Variants in AK5 observed in about 807,000 individuals in gnomAD.
AK5 encodes adenylate kinase 5, also known as adenylate kinase isoenzyme 5.
In AK5, 27 loss-of-function variants were observed where a neutral mutation model predicts 69.5. That is an observed-to-expected ratio of 0.39 (90% confidence interval 0.29 to 0.54). AK5 has a LOEUF of 0.54. Among genes scored for constraint, AK5 ranks in the 20% least tolerant of loss-of-function variants. The pLI, the probability that AK5 is intolerant of heterozygous loss-of-function variation, is 0.71. For missense variants in AK5, 531 were observed against 700.4 expected (o/e 0.76, Z 2.73); for synonymous variants, 260 against 244.4 (o/e 1.06, Z -0.60).
At chr1:77,339,752 T>C (rs1661555078) in intron 5 of AK5, among the ~76,000 whole-genome samples, 1 of 151,580 alleles carries the variant, frequency 6.6e-6, no homozygotes, top group African/African-American at 2.4e-5. Context: ...TTCAAGCAAT[T>C]CTCTTGCCTT....
chr1:77,333,378 A>T (rs1175643030), intron 5 of AK5, among the ~76,000 whole-genome samples: 1 of 152,078 alleles, frequency 6.6e-6, no homozygotes, highest in African/African-American at 2.4e-5. Context: ...TCCAGTTCAT[A>T]TTTTTTTAAT....
intron 6 of AK5, among the ~76,000 whole-genome samples, chr1:77,350,890 G>A (rs1260118735): frequency 6.6e-6 from 1 of 152,204 alleles, no homozygotes; most frequent in African/African-American, 2.4e-5. Flanking sequence ...AGTAGAGTCA[G>A]TTGAATCACA....
chr1:77,393,352 T>G (rs1648611533), intron 6 of AK5, among the ~76,000 whole-genome samples: 1 of 152,174 alleles, frequency 6.6e-6, no homozygotes, highest in Non-Finnish European at 1.5e-5. Context: ...CTCCTTTAAG[T>G]TAGTGTCTGC....
At chr1:77,316,324 G>C (rs572390776) in intron 5 of AK5, among the ~76,000 whole-genome samples, 2 of 151,756 alleles carry the variant, frequency 1.3e-5, no homozygotes, top group African/African-American at 4.9e-5. Flanking sequence ...ATGACTATCT[G>C]TTCATTTTTT....
chr1:77,330,269 A>G (rs922173816), intron 5 of AK5, among the ~76,000 whole-genome samples: 5 of 152,200 alleles, frequency 3.3e-5, no homozygotes, highest in Non-Finnish European at 5.9e-5. Flanking sequence ...CTTTTCTTTT[A>G]TGGTTAGAGT....
At chr1:77,488,185 A>G (rs1655725612) in intron 10 of AK5, among the ~76,000 whole-genome samples, 1 of 152,158 alleles carries the variant, frequency 6.6e-6, no homozygotes, top group South Asian at 2.1e-4. Context: ...TCATCTGCTT[A>G]CCTCTAGCTG....
At chr1:77,376,815 T>C (rs979794740) in intron 6 of AK5, among the ~76,000 whole-genome samples, 13 of 152,108 alleles carry the variant, frequency 8.5e-5, no homozygotes, top group Non-Finnish European at 1.2e-4. Flanking sequence ...CATGGCTCCT[T>C]GGGAAGCTGA....
chr1:77,423,239 A>AG (rs1553148962), intron 8 of AK5, among the ~76,000 whole-genome samples: 2 of 148,368 alleles, frequency 1.3e-5, no homozygotes, highest in African/African-American at 2.4e-5. Flanking sequence ...AATAAAAAAA[A>AG]AAGAAGAACT....
rs550747750 is a variant in AK5 at position 77,429,134 on chromosome 1, G to C, written c.1059+11419G>C. 5.4e-4 allele frequency among the ~76,000 whole-genome samples: 82 copies of C among 152,268 alleles called. No homozygotes were observed. In the South Asian group the frequency reaches 7.3e-3, roughly 13 times the overall value. ...ATATACCCAGTAATGGGATGGCTGG[G>C]TCAAATGGTATTTCTAGTTCTAGAT... On this transcript the variant is annotated intron_variant, in intron 8 of 13. Coordinates refer to ENST00000354567, the MANE Select transcript of AK5 (RefSeq NM_174858.3).
intron 6 of AK5, among the ~76,000 whole-genome samples, chr1:77,363,839 C>T (rs541162137): frequency 1.6e-4 from 25 of 152,310 alleles, no homozygotes; most frequent in African/African-American, 6.0e-4. Context: ...CCCTTAACCA[C>T]ACTCCTGATC....
chr1:77,375,042 A>G (rs916517466), intron 6 of AK5, among the ~76,000 whole-genome samples: 9 of 152,132 alleles, frequency 5.9e-5, no homozygotes, highest in Non-Finnish European at 1.3e-4. Flanking sequence ...AGTGACTCAT[A>G]TTTATTATCT....
At chr1:77,340,826 C>A (rs936001) in intron 6 of AK5, 4 of 343,988 alleles carry the variant, frequency 1.2e-5, no homozygotes, top group African/African-American at 6.3e-5. Flanking sequence ...TTCTGTAGTC[C>A]TCAAGTAAAA....
chr1:77,548,976 A>G (rs887678633), intron 13 of AK5, among the ~76,000 whole-genome samples: 1 of 146,382 alleles, frequency 6.8e-6, no homozygotes, highest in African/African-American at 2.5e-5. Flanking sequence ...CTCGGGGTCA[A>G]GCGATTCTCC....
chr1:77,454,278 G>A (rs1003420986), intron 8 of AK5, among the ~76,000 whole-genome samples: 1 of 152,084 alleles, frequency 6.6e-6, no homozygotes, highest in Non-Finnish European at 1.5e-5. Context: ...TCCTGGCTGG[G>A]ATAGACAGTG....
At chr1:77,346,536 G>T (rs1316117040) in intron 6 of AK5, among the ~76,000 whole-genome samples, 1 of 152,134 alleles carries the variant, frequency 6.6e-6, no homozygotes, top group East Asian at 1.9e-4. Context: ...TGGCTGTGTT[G>T]CCCAGGCTGA....
intron 5 of AK5, among the ~76,000 whole-genome samples, chr1:77,334,856 G>T (rs962251064): frequency 6.6e-6 from 1 of 151,914 alleles, no homozygotes; most frequent in African/African-American, 2.4e-5. Flanking sequence ...CTCTTCCCCT[G>T]GGTGGGCCCC....
At chr1:77,551,236 C>CACA (rs1491111262) in intron 13 of AK5, among the ~76,000 whole-genome samples, 5 of 151,958 alleles carry the variant, frequency 3.3e-5, no homozygotes, top group African/African-American at 1.2e-4. Context: ...CACACACACA[C>CACA]ACACACACAC....
chr1:77,439,214 T>C (rs1310075760), intron 8 of AK5, among the ~76,000 whole-genome samples: 4 of 152,212 alleles, frequency 2.6e-5, no homozygotes, highest in Non-Finnish European at 5.9e-5. Context: ...TTTGCTGTAG[T>C]AATCTATGTG....
At chr1:77,526,109 C>T (rs1057239101) in intron 12 of AK5, among the ~76,000 whole-genome samples, 3 of 152,172 alleles carry the variant, frequency 2.0e-5, no homozygotes, top group Non-Finnish European at 2.9e-5. Context: ...TTCTAGCCAA[C>T]GTCTAGGCTG....
Sources: gnomAD v4.1 joint callset for allele counts (sites outside exome capture counted in the v4.1 genomes callset) on GRCh38, gnomAD v4.1.1 for gene constraint, MANE v1.5 for transcripts, NCBI Gene and HGNC (gene_info 2026-07-23, HGNC 2026-07-21) for gene names.